The following LRRC7 variants were observed in gnomAD, a reference collection of about 807,000 sequenced individuals.
LRRC7 encodes leucine rich repeat containing 7.
Under a neutral mutation model 175.7 loss-of-function variants are expected in LRRC7, and 23 were observed. The observed-to-expected ratio is 0.13, with a 90% CI of 0.09 to 0.19. The LOEUF (loss-of-function observed/expected upper bound fraction) is 0.19, where lower values mean the gene tolerates loss of function less well. LRRC7 is among the 10% of genes least tolerant of loss of function. The probability of loss-of-function intolerance (pLI) is 1.00; values close to 1 mark genes in which losing one functional copy is unlikely to be tolerated. For missense variants in LRRC7, 1,354 were observed against 1,904.7 expected (o/e 0.71, Z 5.38); for synonymous variants, 685 against 680.9 (o/e 1.01, Z -0.09).
chr1:69,658,193 T>G (rs1656931754), intron 1 of LRRC7, among the ~76,000 whole-genome samples: 1 of 151,960 alleles, frequency 6.6e-6, no homozygotes, highest in African/African-American at 2.4e-5. Flanking sequence ...TTCTGGCAGC[T>G]TAGAGATGGC....
intron 22 of LRRC7, among the ~76,000 whole-genome samples, chr1:70,045,951 T>A (rs1660296152): frequency 6.6e-6 from 1 of 152,072 alleles, no homozygotes; most frequent in South Asian, 2.1e-4. Context: ...CCTTGACACA[T>A]ATGGATTATT....
intron 8 of LRRC7, among the ~76,000 whole-genome samples, chr1:69,954,256 G>A (rs972980559): frequency 3.3e-5 from 5 of 151,982 alleles, no homozygotes; most frequent in African/African-American, 4.8e-5. Flanking sequence ...AAACACAAGC[G>A]TGCTGTGGGT....
At chr1:69,637,196 T>C (rs1653526682) in intron 1 of LRRC7, among the ~76,000 whole-genome samples, 1 of 151,876 alleles carries the variant, frequency 6.6e-6, no homozygotes, top group African/African-American at 2.4e-5. Context: ...TGTTTCATTT[T>C]GAGGAGGTAG....
intron 2 of LRRC7, among the ~76,000 whole-genome samples, chr1:69,720,372 A>G (rs1666218945): frequency 6.6e-6 from 1 of 151,668 alleles, no homozygotes; most frequent in Non-Finnish European, 1.5e-5. Context: ...ATTCCCTGAT[A>G]TTGCTAGAAT....
intron 18 of LRRC7, among the ~76,000 whole-genome samples, 179 bp from the exon 19 acceptor site, chr1:70,035,942 G>GA (rs60722093): frequency 5.3e-5 from 8 of 150,652 alleles, no homozygotes; most frequent in Non-Finnish European, 7.4e-5. Context: ...ACTTACATTA[G>GA]AAAAAAAAAA....
intron 2 of LRRC7, among the ~76,000 whole-genome samples, chr1:69,692,401 C>T (rs1662001896): frequency 6.6e-6 from 1 of 152,196 alleles, no homozygotes; most frequent in African/African-American, 2.4e-5. Flanking sequence ...CTAATGTTCC[C>T]TAAAGTCTTT....
At chr1:70,049,445 G>C (rs1052193550) in intron 22 of LRRC7, among the ~76,000 whole-genome samples, 1 of 152,080 alleles carries the variant, frequency 6.6e-6, no homozygotes, top group Non-Finnish European at 1.5e-5. Context: ...AGCAAAGCAA[G>C]ATTTACGCTG....
intron 1 of LRRC7, among the ~76,000 whole-genome samples, chr1:69,645,963 T>TACCTCAGAATGGAATAA (rs2100455687): frequency 6.6e-6 from 1 of 152,248 alleles, no homozygotes; most frequent in South Asian, 2.1e-4. Flanking sequence ...CCATATTGTA[T>TACCTCAGAATGGAATAA]TAAGTTTTAT....
In LRRC7 at chr1:70,129,501, G is replaced by A. The variant is rs1666581820; in HGVS notation, c.*7614G>A. On this transcript the variant is annotated 3_prime_UTR_variant, in exon 27 of 27. Coordinates refer to ENST00000651989, the MANE Select transcript of LRRC7 (RefSeq NM_001370785.2). ...TCTGTATGCCCCTGACGTTACGGGA[G>A]AAGGAGATGGAATTCAACACTTTAA... Among the ~76,000 whole-genome samples, 1 of 152,232 alleles carries A rather than the reference G, an allele frequency of 6.6e-6. No individual in the cohort carries two copies. Among genetic ancestry groups the A allele is most frequent in the Admixed American group, 6.5e-5 (1 of 15,306 alleles).
intron 2 of LRRC7, among the ~76,000 whole-genome samples, chr1:69,688,645 T>TTA (rs111722010): frequency 0.056 from 8,353 of 148,302 alleles, 253 homozygotes; most frequent in South Asian, 0.098. Flanking sequence ...TTTTTTTTTT[T>TTA]AAAAAAAACC....
chr1:69,889,608 A>C (rs998530342), intron 7 of LRRC7, among the ~76,000 whole-genome samples: 1 of 152,188 alleles, frequency 6.6e-6, no homozygotes, highest in African/African-American at 2.4e-5. Flanking sequence ...GAAGTTCGCT[A>C]TCAACCTGGG....
At chr1:70,075,610 G>A (rs900314594) in intron 23 of LRRC7, among the ~76,000 whole-genome samples, 1 of 152,124 alleles carries the variant, frequency 6.6e-6, no homozygotes, top group Non-Finnish European at 1.5e-5. Context: ...GGTGATAATT[G>A]ATAAATATTG....
In LRRC7 at chr1:69,838,217, AT is replaced by A; in HGVS notation, c.591-7del. 2 of 1,604,940 alleles carry A rather than the reference AT, an allele frequency of 1.2e-6. No homozygotes were observed. Among genetic ancestry groups the A allele is most frequent in the South Asian group, 1.1e-5 (1 of 90,454 alleles). On this transcript the variant is annotated splice_polypyrimidine_tract_variant and intron_variant, in intron 6 of 26. Transcript: ENST00000651989. ...TACTAAGAGGAAATTTTTAAAATTC[AT>A]TTCTGTAGACTTGTCAAATTGCGGA...
intron 2 of LRRC7, among the ~76,000 whole-genome samples, chr1:69,694,824 GGCCCTCACTAGAA>G (rs1557611066): frequency 6.6e-6 from 1 of 151,834 alleles, no homozygotes; most frequent in Non-Finnish European, 1.5e-5. Flanking sequence ...AGCTTCTTGA[GGCCCTCACTAGAA>G]GCAGATGCTG....
At chr1:69,574,532 T>G (rs915234280) in intron 1 of LRRC7, among the ~76,000 whole-genome samples, 3 of 152,160 alleles carry the variant, frequency 2.0e-5, no homozygotes, top group African/African-American at 7.2e-5. Flanking sequence ...CTAAGTATTA[T>G]GAAGACATTT....
intron 11 of LRRC7, among the ~76,000 whole-genome samples, chr1:69,996,441 G>A (rs1654977451): frequency 6.6e-6 from 1 of 151,920 alleles, no homozygotes; most frequent in African/African-American, 2.4e-5. Flanking sequence ...TGTTGCCATT[G>A]CTTTTGGTGT....
chr1:69,653,167 G>T (rs937218046), intron 1 of LRRC7, among the ~76,000 whole-genome samples: 1 of 151,996 alleles, frequency 6.6e-6, no homozygotes, highest in African/African-American at 2.4e-5. Flanking sequence ...TACAGAATGG[G>T]AGAAAATATT....
chr1:69,920,815 C>G (rs1646868171), intron 7 of LRRC7, among the ~76,000 whole-genome samples: 1 of 152,184 alleles, frequency 6.6e-6, no homozygotes, highest in South Asian at 2.1e-4. Context: ...CACTTAGTTA[C>G]TTGGTCCTTC....
intron 8 of LRRC7, among the ~76,000 whole-genome samples, chr1:69,949,149 A>C (rs1649657022): frequency 6.6e-6 from 1 of 151,948 alleles, no homozygotes; most frequent in South Asian, 2.1e-4. Context: ...AAAAAAAAAA[A>C]AGGAAAAAGA....
Sources: allele counts gnomAD v4.1 joint callset (sites outside exome capture counted in the v4.1 genomes callset), GRCh38; gene constraint gnomAD v4.1.1; transcripts MANE v1.5; gene names NCBI Gene and HGNC (gene_info 2026-07-23, HGNC 2026-07-21).